The following NEMP2 variants were observed in gnomAD, a reference collection of about 807,000 sequenced individuals.
NEMP2 encodes the protein UPF0571 transmembrane protein.
A neutral mutation model predicts 54.2 loss-of-function variants in NEMP2; 53 were observed. The ratio of observed to expected loss-of-function variants is 0.98; its 90% confidence interval spans 0.78 to 1.23. The LOEUF is 1.23. Ranked by LOEUF, NEMP2 falls within the 50% of genes most tolerant of loss-of-function variation. NEMP2 has a pLI of 0.00. For missense variants in NEMP2, 455 were observed against 511.3 expected, an observed-to-expected ratio of 0.89 and a Z score of 1.06; for synonymous variants, 197 against 190.3, an observed-to-expected ratio of 1.04 and a Z score of -0.29.
chr2:190,593,146 CT>C, the NEMP2 span, among the ~76,000 whole-genome samples: 2 of 152,080 alleles, frequency 1.3e-5, no homozygotes, highest in African/African-American at 4.8e-5. This position sits in a 1 kb window ranked among gnomAD's most constrained non-coding sequence, Gnocchi z 4.5. Flanking sequence ...GAAAAGAAGA[CT>C]TTTTTTGCTT....
At chr2:190,482,677 T>C in the NEMP2 span, among the ~76,000 whole-genome samples, 3 of 152,048 alleles carry the variant, frequency 2.0e-5, no homozygotes, top group African/African-American at 7.2e-5. Context: ...AAGGACTTTT[T>C]TTCCTGCTCA....
At position 190,514,697 on chromosome 2, in the gene NEMP2, TA is replaced by T; in HGVS notation, c.728-20del. The T allele has an allele frequency of 1.9e-6, 3 of 1,541,412 alleles. No homozygotes were observed. The highest frequency in any genetic ancestry group is 2.6e-6 in the Non-Finnish European group (3 of 1,138,338). On this transcript the variant is annotated intron_variant, in intron 6 of 8. Transcript: ENST00000409150. This position sits in a 1 kb window ranked among gnomAD's most constrained non-coding sequence, Gnocchi z 5.7. ...ACATAGCCTGGAAAAGTGGAAGAGG[TA>T]AAATAATATAAATTTGAATTTGAGA...
At chr2:190,556,757 A>C in the NEMP2 span, among the ~76,000 whole-genome samples, 1 of 152,176 alleles carries the variant, frequency 6.6e-6, no homozygotes, top group Admixed American at 6.5e-5. Flanking sequence ...ACCTAGGAAT[A>C]CAACTTACAA....
At chr2:190,518,250 T>C (rs1362774983) in intron 4 of NEMP2, among the ~76,000 whole-genome samples, 2 of 152,304 alleles carry the variant, frequency 1.3e-5, no homozygotes, top group East Asian at 1.9e-4. Context: ...AGATGAGAAC[T>C]TGTCAGTAAT....
chr2:190,578,667 A>C, the NEMP2 span, among the ~76,000 whole-genome samples: 1 of 151,824 alleles, frequency 6.6e-6, no homozygotes, highest in African/African-American at 2.4e-5. The surrounding 1 kb of genome is among the most constrained non-coding windows in gnomAD (Gnocchi z 4.4). Context: ...GTGTGTTTGC[A>C]GAGGAAGTTG....
the NEMP2 span, among the ~76,000 whole-genome samples, chr2:190,433,886 C>T: frequency 5.7e-4 from 86 of 152,148 alleles, no homozygotes; most frequent in East Asian, 0.016. The surrounding 1 kb of genome is among the most constrained non-coding windows in gnomAD (Gnocchi z 4.5). Context: ...TGATATTTTT[C>T]TCTAGTAAAG....
Position 190,513,437 on chromosome 2 carries a change from C to T in NEMP2, c.953+1016G>A, listed in dbSNP as rs993477052. Among the ~76,000 whole-genome samples, 1 of 152,150 alleles carries T rather than the reference C, an allele frequency of 6.6e-6. No homozygotes were observed. Among genetic ancestry groups the T allele is most frequent in the Non-Finnish European group, 1.5e-5 (1 of 68,030 alleles). ...GTCCTCCTGGTTACTGCTGCCTTACCCCTGCTCAGCATCACTCACCATAGT... is the reference window on the plus strand; with the variant it reads ...GTCCTCCTGGTTACTGCTGCCTTACTCCTGCTCAGCATCACTCACCATAGT... On this transcript the variant is annotated intron_variant, in intron 7 of 8. Transcript: ENST00000409150. The surrounding 1 kb of genome is among the most constrained non-coding windows in gnomAD (Gnocchi z 5.3).
the NEMP2 span, among the ~76,000 whole-genome samples, chr2:190,488,421 G>T: frequency 2.0e-5 from 3 of 152,178 alleles, no homozygotes; most frequent in African/African-American, 4.8e-5. The surrounding 1 kb of genome is among the most constrained non-coding windows in gnomAD (Gnocchi z 6.4). Context: ...CAGAATTTTT[G>T]TTGTGGTGGT....
the NEMP2 span, among the ~76,000 whole-genome samples, chr2:190,456,127 G>A: frequency 6.6e-6 from 1 of 151,704 alleles, no homozygotes; most frequent in Admixed American, 6.6e-5. The surrounding 1 kb of genome is among the most constrained non-coding windows in gnomAD (Gnocchi z 5.4). Context: ...TTTTAGTAGA[G>A]ATGGGGTTTC....
chr2:190,632,844 T>C, the NEMP2 span, among the ~76,000 whole-genome samples: 1 of 152,298 alleles, frequency 6.6e-6, no homozygotes, highest in Admixed American at 6.5e-5. The surrounding 1 kb of genome is among the most constrained non-coding windows in gnomAD (Gnocchi z 4.8). Context: ...TTATAGAATA[T>C]ACAGAATATT....
At chr2:190,572,834 T>TTC in the NEMP2 span, among the ~76,000 whole-genome samples, 218 of 37,760 alleles carry the variant, frequency 5.8e-3, 1 homozygote, top group African/African-American at 0.017. Flanking sequence ...TTTTCATGAG[T>TTC]ATATATATAT....
the NEMP2 span, among the ~76,000 whole-genome samples, chr2:190,622,634 A>G: frequency 3.5e-4 from 53 of 152,194 alleles, no homozygotes; most frequent in South Asian, 6.2e-4. Flanking sequence ...ATGACACCAA[A>G]GCACGACAAC....
the NEMP2 span, among the ~76,000 whole-genome samples, chr2:190,481,925 G>T: frequency 6.6e-6 from 1 of 152,232 alleles, no homozygotes; most frequent in Non-Finnish European, 1.5e-5. Context: ...CTGACAGAGA[G>T]ACTGGCTTGC....
the NEMP2 span, among the ~76,000 whole-genome samples, chr2:190,583,683 A>G: frequency 6.6e-6 from 1 of 152,346 alleles, no homozygotes; most frequent in African/African-American, 2.4e-5. Flanking sequence ...GTAGAGCTCA[A>G]CCAGGCCTGG....
chr2:190,497,495 A>G, the NEMP2 span: 1 of 1,614,220 alleles, frequency 6.2e-7, no homozygotes, highest in Non-Finnish European at 8.5e-7. This position sits in a 1 kb window ranked among gnomAD's most constrained non-coding sequence, Gnocchi z 5.2. Context: ...TCCTATAGCA[A>G]CCATCGACTT....
At chr2:190,465,630 C>G in the NEMP2 span, among the ~76,000 whole-genome samples, 2,823 of 152,256 alleles carry the variant, frequency 0.019, 114 homozygotes, top group African/African-American at 0.064. This position sits in a 1 kb window ranked among gnomAD's most constrained non-coding sequence, Gnocchi z 4.6. Flanking sequence ...AAATCCCTAA[C>G]TGTATTAGAG....
the NEMP2 span, among the ~76,000 whole-genome samples, chr2:190,545,567 G>A: frequency 3.3e-5 from 5 of 152,124 alleles, no homozygotes; most frequent in Admixed American, 6.5e-5. Context: ...TTAAGACATC[G>A]GGATTGTCTC....
the NEMP2 span, among the ~76,000 whole-genome samples, chr2:190,586,687 T>TA: frequency 2.0e-5 from 3 of 152,220 alleles, no homozygotes; most frequent in Non-Finnish European, 4.4e-5. This position sits in a 1 kb window ranked among gnomAD's most constrained non-coding sequence, Gnocchi z 4.5. Context: ...AAGAGGTTTT[T>TA]ATCCTAAGCA....
At chr2:190,558,140 G>A in the NEMP2 span, among the ~76,000 whole-genome samples, 23 of 152,144 alleles carry the variant, frequency 1.5e-4, no homozygotes, top group Admixed American at 9.8e-4. This position sits in a 1 kb window ranked among gnomAD's most constrained non-coding sequence, Gnocchi z 4.4. Flanking sequence ...ATACTATGAC[G>A]CCATAAAAAG....
Sources: allele counts gnomAD v4.1 joint callset (sites outside exome capture counted in the v4.1 genomes callset), GRCh38; gene constraint gnomAD v4.1.1; non-coding constraint Gnocchi (gnomAD v3.1); transcripts MANE v1.5; gene names NCBI Gene and HGNC (gene_info 2026-07-23, HGNC 2026-07-21).